Variants in RPN1 observed in about 807,000 individuals in gnomAD.
RPN1 encodes the protein dolichyl-diphosphooligosaccharide--protein glycosyltransferase subunit 1.
Under a neutral mutation model 55.5 loss-of-function variants are expected in RPN1, and 12 were observed. That is an observed-to-expected ratio of 0.22 (90% CI 0.14 to 0.35). RPN1 has a LOEUF of 0.35. RPN1 is among the 10% of genes least tolerant of loss of function. The pLI is 1.00. For missense variants in RPN1, 679 were observed against 761.3 expected, an observed-to-expected ratio of 0.89 and a Z score of 1.27; for synonymous variants, 317 against 305.9, an observed-to-expected ratio of 1.04 and a Z score of -0.38.
At chr3:128,621,833 A>C (rs2069562243) in intron 9 of RPN1, among the ~76,000 whole-genome samples, 1 of 152,186 alleles carries the variant, frequency 6.6e-6, no homozygotes, top group African/African-American at 2.4e-5. Context: ...TTGATTCTAA[A>C]GTCTAGGTTC....
intron 4 of RPN1, among the ~76,000 whole-genome samples, chr3:128,630,766 T>A (rs2069635137): frequency 6.6e-6 from 1 of 152,190 alleles, no homozygotes; most frequent in African/African-American, 2.4e-5. Flanking sequence ...TGTGTTTGGG[T>A]GGCGCAGTAC....
intron 9 of RPN1, 100 bp from the exon 10 acceptor site, chr3:128,620,693 G>T: frequency 7.9e-7 from 1 of 1,263,228 alleles, no homozygotes. Flanking sequence ...GAGCTCCACA[G>T]GTATCAGCCA....
intron 3 of RPN1, among the ~76,000 whole-genome samples, chr3:128,635,612 G>GATAT (rs112246211): frequency 1.2e-4 from 15 of 125,716 alleles, no homozygotes; most frequent in East Asian, 8.7e-4. Flanking sequence ...TATAACTTGA[G>GATAT]ATATATATAT....
chr3:128,649,505 C>T (rs988371759), intron 1 of RPN1, among the ~76,000 whole-genome samples: 3 of 152,166 alleles, frequency 2.0e-5, no homozygotes, highest in Admixed American at 2.0e-4. Context: ...ATTTCAGAAA[C>T]GTAATCTCTA....
chr3:128,622,058 C>A, intron 9 of RPN1, 106 bp downstream of exon 9: 2 of 1,128,386 alleles, frequency 1.8e-6, no homozygotes, highest in Admixed American at 2.0e-5. Context: ...AGTCTTATCC[C>A]ACAAGCATGC....
At position 128,622,423 on chromosome 3, in the gene RPN1, A is replaced by G. The variant is rs1181989432; in HGVS notation, c.1396-14T>C. Reference sequence around the variant, plus strand: ...TGCGGCTGGATCCTGAAGGAAGGAGAGGCACCATGTGTGACAACATCCAGG... The same window carrying G: ...TGCGGCTGGATCCTGAAGGAAGGAGGGGCACCATGTGTGACAACATCCAGG... On this transcript the variant is annotated splice_polypyrimidine_tract_variant and intron_variant, in intron 8 of 9. Coordinates refer to ENST00000296255, the MANE Select transcript of RPN1 (RefSeq NM_002950.4). The G allele has an allele frequency of 6.2e-7, 1 of 1,613,726 alleles. No homozygotes were observed. Among genetic ancestry groups the G allele is most frequent in the Admixed American group, 1.7e-5 (1 of 60,016 alleles).
chr3:128,626,875 T>C, intron 5 of RPN1, 43 bp from the exon 6 acceptor site: 1 of 1,562,292 alleles, frequency 6.4e-7, no homozygotes, highest in Non-Finnish European at 8.8e-7. Flanking sequence ...GGAAAACGGA[T>C]CAAATGGGCA....
At chr3:128,641,847 G>GT (rs2069728185) in intron 2 of RPN1, among the ~76,000 whole-genome samples, 1 of 152,046 alleles carries the variant, frequency 6.6e-6, no homozygotes, top group Non-Finnish European at 1.5e-5. Flanking sequence ...CCAACCTCAG[G>GT]TGATCTGCCT....
chr3:128,620,110 T>C lies in RPN1; in HGVS notation c.*301A>G, dbSNP rs1127030. 0.62 allele frequency: 159,756 copies of C among 257,860 alleles called. 50,161 individuals are homozygous for C. Among genetic ancestry groups the C allele is most frequent in the East Asian group, 0.8 (13,840 of 17,256 alleles). 16.0% of individuals were successfully genotyped at this position (257,860 alleles called of 1,614,324 possible). On this transcript the variant is annotated 3_prime_UTR_variant, in exon 10 of 10. Coordinates refer to ENST00000296255, the MANE Select transcript of RPN1 (RefSeq NM_002950.4). ...GGGGCTTTATAGGCTGAAAAATATC[T>C]TAGACTTCAGAACAGAATACCAATC...
intron 3 of RPN1, among the ~76,000 whole-genome samples, chr3:128,635,690 T>TATACACACACACAC (rs376139334): frequency 1.0e-3 from 141 of 138,250 alleles, no homozygotes; most frequent in African/African-American, 3.0e-3. Flanking sequence ...TCTATAGATA[T>TATACACACACACAC]ACACACACAC....
chr3:128,646,688 T>TA (rs1214102863), intron 1 of RPN1, among the ~76,000 whole-genome samples: 21 of 122,760 alleles, frequency 1.7e-4, no homozygotes, highest in Middle Eastern at 5.7e-3. Flanking sequence ...CTCCATCTCA[T>TA]AAAAAAAAAA....
At chr3:128,643,548 G>C (rs1202733083) in intron 2 of RPN1, among the ~76,000 whole-genome samples, 3 of 151,900 alleles carry the variant, frequency 2.0e-5, no homozygotes, top group African/African-American at 7.3e-5. Flanking sequence ...TGTAATCCCA[G>C]CATTTTGGGA....
chr3:128,637,957 T>C lies in RPN1; in HGVS notation c.475A>G (p.Asn159Asp), dbSNP rs779942540. ...GGATAGGGAGAGTAGAAATAATGGTTCCCCTCAAACACCACAAACTGTTTC... is the reference window on the plus strand; with the variant it reads ...GGATAGGGAGAGTAGAAATAATGGTCCCCCTCAAACACCACAAACTGTTTC... ...SEKQFVVFEG[N>D]HYFYSPYPTK... Residue 159 changes from asparagine to aspartate, a missense_variant, in exon 3 of 10, where the codon AAC becomes GAC. Physicochemically the swap from Asn to Asp is conservative, Grantham distance 23 (BLOSUM62 1). Transcript: ENST00000296255. 3.7e-6 allele frequency: 6 copies of C among 1,614,164 alleles called. No individual in the cohort carries two copies. In the East Asian group the frequency reaches 1.3e-4, roughly 36 times the overall value.
chr3:128,644,786 T>C (rs1056715998), intron 2 of RPN1, 133 bp downstream of exon 2: 4 of 648,714 alleles, frequency 6.2e-6, no homozygotes, highest in Non-Finnish European at 1.1e-5. Context: ...TAGCTAGACC[T>C]CCTCTCTACA....
intron 5 of RPN1, among the ~76,000 whole-genome samples, chr3:128,629,444 C>A (rs2069625957): frequency 6.6e-6 from 1 of 152,078 alleles, no homozygotes; most frequent in East Asian, 1.9e-4. Flanking sequence ...CACCTATAAT[C>A]CCAGCTACTC....
chr3:128,644,913 G>A lies in RPN1; in HGVS notation c.326+6C>T. 1 of 1,485,612 alleles carries A rather than the reference G, an allele frequency of 6.7e-7. No homozygotes were observed. The highest frequency in any genetic ancestry group is 9.4e-7 in the Non-Finnish European group (1 of 1,063,000). The allele number at this position is 1,485,612 out of a possible 1,614,324, so 92.0% of individuals were successfully genotyped here. A position where few individuals can be genotyped will look rare whatever the true frequency, so the allele number is the denominator to read the frequency against. ...AAGAGACAAGGTATATTGTTTGTCA[G>A]CTTACCTTTTACCCTTAATTTTGGT... On this transcript the variant is annotated splice_donor_region_variant and intron_variant, in intron 2 of 9. Coordinates refer to ENST00000296255, the MANE Select transcript of RPN1 (RefSeq NM_002950.4).
chr3:128,635,915 T>C (rs1158800492), intron 3 of RPN1, among the ~76,000 whole-genome samples: 1 of 151,772 alleles, frequency 6.6e-6, no homozygotes, highest in African/African-American at 2.4e-5. Flanking sequence ...TTTTGTTACA[T>C]ACAACTTGTT....
chr3:128,644,527 G>A (rs2069751912), intron 2 of RPN1: 1 of 410,748 alleles, frequency 2.4e-6, no homozygotes, highest in Middle Eastern at 6.0e-4. Flanking sequence ...AAGTGTGGTG[G>A]TACATACCTC....
At chr3:128,638,940 T>C (rs1012420974) in intron 2 of RPN1, among the ~76,000 whole-genome samples, 2 of 150,846 alleles carry the variant, frequency 1.3e-5, no homozygotes, top group African/African-American at 4.9e-5. Flanking sequence ...CACTCCAGCC[T>C]GGGTGACAGA....
Sources: gnomAD v4.1 joint callset for allele counts (sites outside exome capture counted in the v4.1 genomes callset) on GRCh38, gnomAD v4.1.1 for gene constraint, MANE v1.5 for transcripts, NCBI Gene and HGNC (gene_info 2026-07-23, HGNC 2026-07-21) for gene names.